Variants in ZNF48 observed in about 807,000 individuals in gnomAD.
ZNF48 encodes zinc finger protein 553.
In ZNF48, 20 loss-of-function variants were observed where a neutral mutation model predicts 40.0. The observed-to-expected ratio is 0.50, with a 90% confidence interval of 0.35 to 0.73. ZNF48 has a LOEUF of 0.73. Ranked by LOEUF, ZNF48 falls within the 30% of genes least tolerant of loss-of-function variation. ZNF48 has a pLI of 0.01. For synonymous variants in ZNF48, 298 were observed against 329.7 expected (o/e 0.90, Z 1.04); for missense variants, 726 against 851.9 (o/e 0.85, Z 1.84).
Position 30,398,862 on chromosome 16 carries a change from G to A in ZNF48, c.1612G>A (p.Gly538Arg). Residue 538 changes from glycine (G) to arginine (R), a missense_variant, in exon 3 of 3, where the codon GGA (glycine) becomes AGA (arginine). By Grantham distance (125) the Gly-to-Arg change is moderately radical (BLOSUM62 -2). This residue lies in a region of ZNF48 where 166 missense variants were observed against 163.6 expected (regional missense o/e 1.01). Coordinates refer to ENST00000613509, the MANE Select transcript of ZNF48 (RefSeq NM_001214909.2). The surrounding 1 kb of genome is among the most constrained non-coding windows in gnomAD (Gnocchi z 6.6). ...PRPRVRAQPS[G>R]PSQPHVCGFC... Reference sequence around the variant, plus strand: ...ACCCCGAGTTCGGGCCCAGCCTTCTGGACCCAGCCAGCCCCACGTGTGTGG... The same window carrying A: ...ACCCCGAGTTCGGGCCCAGCCTTCTAGACCCAGCCAGCCCCACGTGTGTGG... 1 of 1,613,972 alleles carries A rather than the reference G, an allele frequency of 6.2e-7. No individual in the cohort carries two copies. The highest frequency in any genetic ancestry group is 8.5e-7 in the Non-Finnish European group (1 of 1,179,994).
chr16:30,381,437 A>G lies in ZNF48; in HGVS notation c.-16+3027A>G, dbSNP rs1052014972. ...CACTCTCATCCCTAAGGTACTGCTC[A>G]AATTGCTCCTCGATGAATTTCACCA... On this transcript the variant is annotated intron_variant, in intron 1 of 2. Coordinates refer to the ZNF48 transcript ENST00000528032. The surrounding 1 kb of genome is among the most constrained non-coding windows in gnomAD (Gnocchi z 4.3). 2 of 1,614,012 alleles carry G rather than the reference A, an allele frequency of 1.2e-6. No individual in the cohort carries two copies. The highest frequency in any genetic ancestry group is 8.5e-7 in the Non-Finnish European group (1 of 1,180,002).
At chr16:30,386,974 G>A (rs1265844971) in intron 1 of ZNF48, among the ~76,000 whole-genome samples, 11 of 114,888 alleles carry the variant, frequency 9.6e-5, no homozygotes, top group Admixed American at 3.3e-4. Flanking sequence ...ACAGAGTCTT[G>A]CTCTGTCACT....
chr16:30,386,130 T>A (rs2049898779), intron 1 of ZNF48, among the ~76,000 whole-genome samples: 1 of 151,020 alleles, frequency 6.6e-6, no homozygotes, highest in Non-Finnish European at 1.5e-5. Flanking sequence ...AAAAAAAAAA[T>A]TAGCTGGGCA....
intron 1 of ZNF48, among the ~76,000 whole-genome samples, chr16:30,383,647 T>C (rs1345983282): frequency 1.3e-5 from 2 of 152,190 alleles, no homozygotes; most frequent in Non-Finnish European, 2.9e-5. Context: ...TTCAGAATCC[T>C]GGCCAAAGAA....
rs1298275056 is a variant in ZNF48 at position 30,398,736 on chromosome 16, A to G, written c.1486A>G (p.Lys496Glu). The change falls in exon 3 of 3, where the codon AAG becomes GAG. Residue 496 changes from lysine to glutamate, a missense_variant. This residue lies in a region of ZNF48 where 25 missense variants were observed against 51.5 expected (regional missense o/e 0.49). Transcript: ENST00000613509. This position sits in a 1 kb window ranked among gnomAD's most constrained non-coding sequence, Gnocchi z 6.6. ...TTTTGCTGACAGCTCAGCCCGAGTC[A>G]AGCACCTCCGCACCCACCGTGGTGA... is the stretch of plus-strand genomic sequence containing the variant. ...KGFADSSARV[K>E]HLRTHRGERA... The G allele has an allele frequency of 6.2e-7, 1 of 1,613,832 alleles. No homozygotes were observed. Among genetic ancestry groups the G allele is most frequent in the East Asian group, 2.2e-5 (1 of 44,868 alleles).
chr16:30,389,860 AG>A (rs1280260831), intron 1 of ZNF48, among the ~76,000 whole-genome samples: 5 of 64,370 alleles, frequency 7.8e-5, no homozygotes, highest in Admixed American at 4.9e-4. Context: ...TTTTAGAAAC[AG>A]GGTCTTGTTC....
chr16:30,399,086 G>A lies in ZNF48; in HGVS notation c.1836G>A (p.Glu612=). The change falls in exon 3 of 3, where the codon GAG becomes GAA. Residue 612 remains glutamate (E), a synonymous_variant. Transcript: ENST00000613509. ...GTAGGGCAAGGCCCCTCAAGCAGGA[G>A]GCAGCAACAGGACTGGAATGACGCG... ...GDGRARPLKQ[E]AATGLE 6.3e-7 allele frequency: 1 copy of A among 1,595,450 alleles called. No homozygotes were observed. The highest frequency in any genetic ancestry group is 8.5e-7 in the Non-Finnish European group (1 of 1,170,342).
chr16:30,386,720 A>G (rs1251988321), intron 1 of ZNF48, among the ~76,000 whole-genome samples: 1 of 151,796 alleles, frequency 6.6e-6, no homozygotes, highest in African/African-American at 2.4e-5. Context: ...GCTGGAGTGC[A>G]ATGGTGTGAT....
At position 30,382,128 on chromosome 16, in the gene ZNF48, T is replaced by C; in HGVS notation, c.-16+3718T>C. The C allele has an allele frequency of 6.3e-7, 1 of 1,589,234 alleles. No homozygotes were observed. The highest frequency in any genetic ancestry group is 8.6e-7 in the Non-Finnish European group (1 of 1,167,652). ...TGGCACCTGGCGATCCTCATAGAGG[T>C]TGGTGAGGAAGAGGCTGTTGATGAG... is the stretch of plus-strand genomic sequence containing the variant. On this transcript the variant is annotated intron_variant, in intron 1 of 2. Transcript: ENST00000528032. This position sits in a 1 kb window ranked among gnomAD's most constrained non-coding sequence, Gnocchi z 4.8.
At chr16:30,383,778 G>A (rs374844321) in intron 1 of ZNF48, among the ~76,000 whole-genome samples, 2 of 152,278 alleles carry the variant, frequency 1.3e-5, no homozygotes, top group South Asian at 2.1e-4. Flanking sequence ...TCTTCCAAAC[G>A]TCCTTGGCTC....
intron 2 of ZNF48, among the ~76,000 whole-genome samples, chr16:30,396,897 GC>G (rs1203041038): frequency 6.6e-6 from 1 of 151,576 alleles, no homozygotes; most frequent in African/African-American, 2.4e-5. Flanking sequence ...TCACCATGTT[GC>G]CCAGGCTGGT....
chr16:30,399,044 C>G lies in ZNF48; in HGVS notation c.1794C>G (p.Pro598=), dbSNP rs377723317. The G allele has an allele frequency of 3.2e-5, 51 of 1,612,514 alleles. No homozygotes were observed. Among genetic ancestry groups the G allele is most frequent in the Non-Finnish European group, 4.2e-5 (49 of 1,179,240 alleles). The change falls in exon 3 of 3, where the codon CCC becomes CCG. Residue 598 remains proline (P), a synonymous_variant. Transcript: ENST00000613509. ...AGCGTGGGCACCTGGTCCTGACGCC[C>G]TTTGGGATAGGGGATGGTAGGGCAA... ...KHQRGHLVLT[P]FGIGDGRARP...
intron 1 of ZNF48, chr16:30,378,602 G>A (rs747981524): frequency 2.5e-6 from 4 of 1,611,504 alleles, no homozygotes; most frequent in African/African-American, 1.3e-5. Flanking sequence ...AGCGAGGTGC[G>A]TGCTCACCTC....
Position 30,397,968 on chromosome 16 carries a change from C to A in ZNF48, c.718C>A (p.Arg240=), listed in dbSNP as rs1372799801. Residue 240 remains arginine, a synonymous_variant, in exon 3 of 3, where the codon CGG becomes AGG. Coordinates refer to ENST00000613509, the MANE Select transcript of ZNF48 (RefSeq NM_001214909.2). This position sits in a 1 kb window ranked among gnomAD's most constrained non-coding sequence, Gnocchi z 4.1. Reference sequence around the variant, plus strand: ...CAGTTCCGCCCGCATCAAGCACCAGCGGACACACCGGGGGGAGCAGCCCCC... The same window carrying A: ...CAGTTCCGCCCGCATCAAGCACCAGAGGACACACCGGGGGGAGCAGCCCCC... ...GDSSARIKHQ[R]THRGEQPPRP... 7 of 1,613,826 alleles carry A rather than the reference C, an allele frequency of 4.3e-6. No individual in the cohort carries two copies. The highest frequency in any genetic ancestry group is 3.3e-4 in the Middle Eastern group (2 of 6,084).
At chr16:30,395,108 C>T (rs987144643), upstream of ZNF48, 5 of 423,166 alleles carry the variant, frequency 1.2e-5, no homozygotes, top group African/African-American at 1.0e-4. The surrounding 1 kb of genome is among the most constrained non-coding windows in gnomAD (Gnocchi z 5.9). Flanking sequence ...TCTTTGGATC[C>T]CTCTTTCTTT....
At chr16:30,390,977 G>A (rs912047845), upstream of ZNF48, among the ~76,000 whole-genome samples, 1 of 151,920 alleles carries the variant, frequency 6.6e-6, no homozygotes, top group Non-Finnish European at 1.5e-5. Flanking sequence ...CTGACCTCGT[G>A]ATCTGCCCAC....
At chr16:30,390,536 G>A (rs1239969860), upstream of ZNF48, among the ~76,000 whole-genome samples, 3 of 146,812 alleles carry the variant, frequency 2.0e-5, no homozygotes, top group African/African-American at 7.6e-5. Flanking sequence ...AGCCTCCCGA[G>A]TAGCTGGGGC....
intron 1 of ZNF48, chr16:30,380,306 T>C (rs564925624): frequency 1.3e-4 from 26 of 196,184 alleles, no homozygotes; most frequent in Non-Finnish European, 2.5e-4. Context: ...ACAACAAATA[T>C]ACACATATAT....
chr16:30,381,945 G>A lies in ZNF48; in HGVS notation c.-16+3535G>A, dbSNP rs972128480. On this transcript the variant is annotated intron_variant, in intron 1 of 2. Coordinates refer to the ZNF48 transcript ENST00000528032. This position sits in a 1 kb window ranked among gnomAD's most constrained non-coding sequence, Gnocchi z 4.3. ...CTCTGAGGCAGAATTAATTTCCTTT[G>A]TCAATATCACAGTTGCCTGCACCCA... 6.8e-6 allele frequency: 11 copies of A among 1,609,274 alleles called. No homozygotes were observed. In the South Asian group the frequency reaches 9.9e-5, roughly 15 times the overall value.
Sources: allele counts gnomAD v4.1 joint callset (sites outside exome capture counted in the v4.1 genomes callset), GRCh38; gene constraint gnomAD v4.1.1; regional missense constraint gnomAD v4.1.1; non-coding constraint Gnocchi (gnomAD v3.1); transcripts MANE v1.5; gene names NCBI Gene and HGNC (gene_info 2026-07-23, HGNC 2026-07-21).